Variants in DOCK8 observed in about 807,000 individuals in gnomAD.
DOCK8 encodes the protein dedicator of cytokinesis protein 8.
DOCK8 carries 141 observed loss-of-function variants against 245.6 expected under a neutral mutation model. The ratio of observed to expected loss-of-function variants is 0.57; its 90% CI spans 0.50 to 0.66. The LOEUF is 0.66. Ranked by LOEUF, DOCK8 falls within the 30% of genes least tolerant of loss-of-function variation. The pLI, the probability that DOCK8 is intolerant of heterozygous loss-of-function variation, is 0.00. For synonymous variants in DOCK8, 1,168 were observed against 970.2 expected (o/e 1.20, Z -3.79); for missense variants, 2,965 against 2,603.4 (o/e 1.14, Z -3.02).
chr9:384,199 T>C lies in DOCK8; in HGVS notation c.2778+1514T>C, dbSNP rs183237429. Among the ~76,000 whole-genome samples, 513 of 152,344 alleles carry C rather than the reference T, an allele frequency of 3.4e-3. 14 individuals carry two copies. Among genetic ancestry groups the C allele is most frequent in the Admixed American group, 0.031 (469 of 15,302 alleles). ...TCTCTCATTAGGAATTTTTTAAAGA[T>C]TATGATATTATTCACATACCATAAA... On this transcript the variant is annotated intron_variant, in intron 22 of 47. Coordinates refer to ENST00000432829, the MANE Select transcript of DOCK8 (RefSeq NM_203447.4).
chr9:360,191 C>G (rs1457403884), intron 14 of DOCK8, among the ~76,000 whole-genome samples: 2 of 152,042 alleles, frequency 1.3e-5, no homozygotes, highest in Non-Finnish European at 2.9e-5. Flanking sequence ...TAGCATGCTC[C>G]TGTAGTCCCA....
At chr9:336,770 C>T (rs933748811) in intron 12 of DOCK8, 52 bp downstream of exon 12, 4 of 1,604,294 alleles carry the variant, frequency 2.5e-6, no homozygotes, top group Admixed American at 3.3e-5. Flanking sequence ...CTGGCATGGG[C>T]ACTGGAACCC....
At chr9:363,112 CT>C (rs2052805206) in intron 14 of DOCK8, among the ~76,000 whole-genome samples, 1 of 152,172 alleles carries the variant, frequency 6.6e-6, no homozygotes. Flanking sequence ...GAAAAGCCAT[CT>C]GAGGAGGCCC....
At chr9:233,404 C>G (rs1024144348) in intron 1 of DOCK8, among the ~76,000 whole-genome samples, 2 of 152,172 alleles carry the variant, frequency 1.3e-5, no homozygotes, top group Admixed American at 6.5e-5. Context: ...CTGTAGATGT[C>G]TGTTAGGTCT....
chr9:419,765 T>C (rs2056196675), intron 30 of DOCK8, among the ~76,000 whole-genome samples: 1 of 152,164 alleles, frequency 6.6e-6, no homozygotes, highest in African/African-American at 2.4e-5. Flanking sequence ...AAATGAATAC[T>C]TGTGGCCAAA....
rs369359671 is a variant in DOCK8, at chr9:339,059, A to G, written c.1476A>G (p.Lys492=). The G allele has an allele frequency of 8.7e-6, 14 of 1,614,030 alleles. No homozygotes were observed. Among genetic ancestry groups the G allele is most frequent in the Non-Finnish European group, 1.2e-5 (14 of 1,180,024 alleles). The change falls in exon 13 of 48, where the codon AAA becomes AAG. Residue 492 remains lysine, a synonymous_variant. Transcript: ENST00000432829. ...TATTCAAGTTTTTAGCTGACTACAA[A>G]AGATCATCATCCTTACAGAGACGAG... ...EDLFKFLADY[K]RSSSLQRRVK...
At chr9:401,306 T>C (rs2055088941) in intron 26 of DOCK8, among the ~76,000 whole-genome samples, 1 of 152,114 alleles carries the variant, frequency 6.6e-6, no homozygotes. Context: ...CAGGGTTACA[T>C]AAGAGCGGAA....
intron 1 of DOCK8, chr9:220,767 C>T (rs764819128): frequency 1.3e-5 from 5 of 381,190 alleles, no homozygotes; most frequent in Non-Finnish European, 2.5e-5. Flanking sequence ...GTCGCCCAGG[C>T]TGGAGTACAG....
chr9:372,644 G>T (rs1012670841), intron 18 of DOCK8, among the ~76,000 whole-genome samples: 1 of 152,144 alleles, frequency 6.6e-6, no homozygotes, highest in South Asian at 2.1e-4. Context: ...AGATTCATCC[G>T]TTTCTTTCTT....
chr9:248,447 CTCCT>C (rs780888639), intron 1 of DOCK8, among the ~76,000 whole-genome samples: 78 of 147,074 alleles, frequency 5.3e-4, no homozygotes, highest in Middle Eastern at 6.9e-3. Context: ...TGTCTTTCCC[CTCCT>C]TCCTTCCTTC....
chr9:402,853 C>A (rs189657499), intron 26 of DOCK8, among the ~76,000 whole-genome samples: 4 of 152,282 alleles, frequency 2.6e-5, no homozygotes, highest in East Asian at 1.9e-4. Context: ...GCACCTTACT[C>A]CTCTTTTCAA....
rs569054391 is a variant in DOCK8 at position 286,724 on chromosome 9, T to C, written c.332+88T>C. 17 of 1,267,098 alleles carry C rather than the reference T, an allele frequency of 1.3e-5. No individual in the cohort carries two copies. In the East Asian group the frequency reaches 3.8e-4, roughly 28 times the overall value. 78.5% of individuals were successfully genotyped at this position (1,267,098 alleles called of 1,614,324 possible). A position where few individuals can be genotyped will look rare whatever the true frequency, so the allele number is the denominator to read the frequency against. ...TAGGGGAGATGCCTTCAATCTGAAC[T>C]TAAAAATAAAATAAAATTACTCAAT... is the stretch of plus-strand genomic sequence containing the variant. On this transcript the variant is annotated intron_variant, in intron 3 of 47. Transcript: ENST00000432829.
chr9:429,216 C>G (rs1024015931), intron 35 of DOCK8, among the ~76,000 whole-genome samples: 6 of 152,254 alleles, frequency 3.9e-5, no homozygotes, highest in African/African-American at 1.4e-4. Flanking sequence ...ATCCACCTGC[C>G]TCAGCCTCCC....
rs146034379 is a variant in DOCK8, at chr9:305,520, T to C, written c.528+816T>C. 2.1e-3 allele frequency among the ~76,000 whole-genome samples: 319 copies of C among 152,184 alleles called. 3 individuals carry two copies. Among genetic ancestry groups the C allele is most frequent in the African/African-American group, 7.1e-3 (294 of 41,524 alleles). On this transcript the variant is annotated intron_variant, in intron 5 of 47. Transcript: ENST00000432829. ...CAGGATGGTCCTGATCTCCTGACCT[T>C]GTGATCCGCCCGCCTCGGCCTCCCA...
intron 22 of DOCK8, 25 bp downstream of exon 22, chr9:382,710 A>AGGGGACACAGGCTT (rs2053774314): frequency 6.2e-7 from 1 of 1,613,256 alleles, no homozygotes; most frequent in African/African-American, 1.3e-5. Context: ...AAACCGTGGA[A>AGGGGACACAGGCTT]GGGGACACAG....
intron 11 of DOCK8, among the ~76,000 whole-genome samples, chr9:334,598 A>C (rs904990988): frequency 1.3e-5 from 2 of 152,344 alleles, no homozygotes; most frequent in African/African-American, 2.4e-5. Flanking sequence ...AAGATTAAGT[A>C]TACTCTTATA....
At chr9:356,519 G>C (rs2052454688) in intron 14 of DOCK8, among the ~76,000 whole-genome samples, 1 of 139,516 alleles carries the variant, frequency 7.2e-6, no homozygotes, top group African/African-American at 2.7e-5. Flanking sequence ...TACAGAGCGA[G>C]ACTCTGTCTC....
intron 12 of DOCK8, 21 bp from the exon 13 acceptor site, chr9:338,985 C>T: frequency 6.2e-7 from 1 of 1,611,548 alleles, no homozygotes; most frequent in Non-Finnish European, 8.5e-7. Flanking sequence ...TCTACATTAA[C>T]TCTGACTTTT....
chr9:443,736 G>A (rs1168550038), intron 43 of DOCK8, among the ~76,000 whole-genome samples: 1 of 152,180 alleles, frequency 6.6e-6, no homozygotes, highest in African/African-American at 2.4e-5. Context: ...CACCAACTGT[G>A]TACCTGGAAC....
Sources: gnomAD v4.1 joint callset for allele counts (sites outside exome capture counted in the v4.1 genomes callset) on GRCh38, gnomAD v4.1.1 for gene constraint, MANE v1.5 for transcripts, NCBI Gene and HGNC (gene_info 2026-07-23, HGNC 2026-07-21) for gene names.